CDK8: variants seen among roughly 807,000 people sequenced by gnomAD.
CDK8 encodes the protein cyclin dependent kinase 8.
CDK8 carries 29 observed loss-of-function variants against 71.5 expected under a neutral mutation model. The observed-to-expected ratio is 0.41, with a 90% confidence interval of 0.30 to 0.55. The LOEUF (loss-of-function observed/expected upper bound fraction) is 0.55, where lower values mean the gene tolerates loss of function less well. Ranked by LOEUF, CDK8 falls within the 20% of genes least tolerant of loss-of-function variation. The probability of loss-of-function intolerance (pLI) is 0.37; values close to 1 mark genes in which losing one functional copy is unlikely to be tolerated. For missense variants in CDK8, 288 were observed against 572.6 expected, an observed-to-expected ratio of 0.50 and a Z score of 5.07; for synonymous variants, 161 against 192.1, an observed-to-expected ratio of 0.84 and a Z score of 1.34.
intron 5 of CDK8, among the ~76,000 whole-genome samples, chr13:26,383,572 TAGA>T (rs2138047039): frequency 6.6e-6 from 1 of 152,352 alleles, no homozygotes; most frequent in African/African-American, 2.4e-5. Flanking sequence ...TGTGTATTTG[TAGA>T]AGAAATGTTT....
chr13:26,403,889 T>C (rs1876383231), intron 12 of CDK8, 67 bp from the exon 13 acceptor site: 2 of 1,567,586 alleles, frequency 1.3e-6, no homozygotes, highest in Non-Finnish European at 1.7e-6. Flanking sequence ...GACACTTCAG[T>C]CACATATTGG....
chr13:26,341,695 A>C (rs1001827635), intron 2 of CDK8, among the ~76,000 whole-genome samples: 14 of 152,196 alleles, frequency 9.2e-5, no homozygotes, highest in African/African-American at 3.1e-4. Context: ...GAGAAGACAC[A>C]GTTTGAAGTA....
intron 4 of CDK8, among the ~76,000 whole-genome samples, chr13:26,361,994 A>G (rs1051450139): frequency 6.6e-6 from 1 of 151,976 alleles, no homozygotes; most frequent in Non-Finnish European, 1.5e-5. Context: ...TGTTGAAAGT[A>G]TTCATAAAGC....
chr13:26,335,956 A>G (rs928002846), intron 1 of CDK8, among the ~76,000 whole-genome samples: 4 of 138,898 alleles, frequency 2.9e-5, no homozygotes, highest in African/African-American at 5.3e-5. Flanking sequence ...ACAACAACAG[A>G]CCTTTAAAGG....
At chr13:26,369,000 C>A (rs528378167) in intron 4 of CDK8, among the ~76,000 whole-genome samples, 1 of 151,914 alleles carries the variant, frequency 6.6e-6, no homozygotes, top group East Asian at 1.9e-4. Context: ...TCTATTTTCA[C>A]AAGTAAGTTT....
chr13:26,388,439 G>A (rs1429768213), intron 6 of CDK8, among the ~76,000 whole-genome samples: 2 of 152,262 alleles, frequency 1.3e-5, no homozygotes, highest in East Asian at 3.9e-4. Context: ...ATAAACTAAT[G>A]TGATACACAG....
chr13:26,343,128 C>T (rs1033845167), intron 2 of CDK8, among the ~76,000 whole-genome samples: 1 of 152,172 alleles, frequency 6.6e-6, no homozygotes, highest in African/African-American at 2.4e-5. Flanking sequence ...AGTCATGCAT[C>T]ACTTAATTAG....
intron 1 of CDK8, among the ~76,000 whole-genome samples, chr13:26,332,236 G>A (rs1872788250): frequency 6.6e-6 from 1 of 151,672 alleles, no homozygotes; most frequent in East Asian, 1.9e-4. Flanking sequence ...TTTAATACAA[G>A]ATCATTTGGG....
intron 1 of CDK8, among the ~76,000 whole-genome samples, chr13:26,271,902 C>T (rs1593229879): frequency 7.6e-6 from 1 of 132,396 alleles, no homozygotes; most frequent in South Asian, 2.5e-4. Flanking sequence ...ATGGAACTTA[C>T]AGGTCTAGAA....
intron 1 of CDK8, among the ~76,000 whole-genome samples, chr13:26,312,145 A>G (rs1434511192): frequency 2.0e-5 from 3 of 152,196 alleles, no homozygotes; most frequent in African/African-American, 7.2e-5. Context: ...AAATGCACCA[A>G]TCAGCACTCT....
rs187747107 is a variant in CDK8, at chr13:26,339,552, G to A, written c.204+1910G>A. ...GTCAGAATTGTTTGGGGTATTTTAG[G>A]TTCTTTAGCATTATCATATAAATTT... On this transcript the variant is annotated intron_variant, in intron 2 of 12. Coordinates refer to ENST00000381527, the MANE Select transcript of CDK8 (RefSeq NM_001260.3). Among the ~76,000 whole-genome samples, 186 of 149,196 alleles carry A rather than the reference G, an allele frequency of 1.2e-3. 2 individuals are homozygous for A. The highest frequency in any genetic ancestry group is 0.012 in the Admixed American group (176 of 14,992).
chr13:26,322,462 A>C (rs1010664198), intron 1 of CDK8, among the ~76,000 whole-genome samples: 1 of 151,860 alleles, frequency 6.6e-6, no homozygotes, highest in African/African-American at 2.4e-5. Flanking sequence ...TTACATATTT[A>C]CCTAATTACA....
Position 26,374,036 on chromosome 13 carries a change from AAC to A in CDK8, c.457-8776_457-8775del, listed in dbSNP as rs1283624670. Among the ~76,000 whole-genome samples the A allele has an allele frequency of 1.3e-3, 176 of 137,200 alleles. 3 individuals carry two copies. The highest frequency in any genetic ancestry group is 4.9e-3 in the African/African-American group (170 of 34,964). The allele number at this position is 137,200 out of a possible 152,430, so 90.0% of individuals were successfully genotyped here. A position where few individuals can be genotyped will look rare whatever the true frequency, so the allele number is the denominator to read the frequency against. On this transcript the variant is annotated intron_variant, in intron 4 of 12. Transcript: ENST00000381527. ...CTCTACTAAAAAAAAAAAAAAAAAA[AAC>A]AAAAAACAAAAAATTAGCTGGGCGT...
intron 1 of CDK8, among the ~76,000 whole-genome samples, chr13:26,256,500 A>G (rs1365184920): frequency 1.3e-5 from 2 of 152,216 alleles, no homozygotes; most frequent in Non-Finnish European, 2.9e-5. Flanking sequence ...GTGTGAGAGA[A>G]GCCGGTTCTG....
At position 26,404,102 on chromosome 13, in the gene CDK8, A is replaced by G. The variant is rs1180652830; in HGVS notation, c.*21A>G. On this transcript the variant is annotated 3_prime_UTR_variant, in exon 13 of 13. Coordinates refer to ENST00000381527, the MANE Select transcript of CDK8 (RefSeq NM_001260.3). ...ACTGAGCTGCATCGGAATCTTGTCCATGCACTGTTGCGAATGCTGCAGGGC... is the reference window on the plus strand; with the variant it reads ...ACTGAGCTGCATCGGAATCTTGTCCGTGCACTGTTGCGAATGCTGCAGGGC... 2 of 1,613,208 alleles carry G rather than the reference A, an allele frequency of 1.2e-6. No individual in the cohort carries two copies. Among genetic ancestry groups the G allele is most frequent in the Non-Finnish European group, 1.7e-6 (2 of 1,179,566 alleles).
At chr13:26,324,613 C>T (rs950912173) in intron 1 of CDK8, among the ~76,000 whole-genome samples, 1 of 150,900 alleles carries the variant, frequency 6.6e-6, no homozygotes, top group Non-Finnish European at 1.5e-5. Flanking sequence ...AAATACTAAC[C>T]ATTTGAGTGC....
intron 1 of CDK8, among the ~76,000 whole-genome samples, chr13:26,298,148 G>A (rs1873650903): frequency 6.6e-6 from 1 of 152,122 alleles, no homozygotes; most frequent in Non-Finnish European, 1.5e-5. Flanking sequence ...TAATTTTGCA[G>A]GGATACAAAT....
At chr13:26,310,588 C>T (rs1874237931) in intron 1 of CDK8, among the ~76,000 whole-genome samples, 1 of 152,086 alleles carries the variant, frequency 6.6e-6, no homozygotes, top group African/African-American at 2.4e-5. Context: ...GGTCCGTTCT[C>T]CTATGAGAAT....
intron 1 of CDK8, among the ~76,000 whole-genome samples, chr13:26,262,405 TA>T (rs1325261241): frequency 3.9e-5 from 6 of 152,308 alleles, no homozygotes; most frequent in African/African-American, 1.2e-4. Flanking sequence ...TGTGTGTGTG[TA>T]TCTGAAATTC....
Sources: allele counts gnomAD v4.1 joint callset (sites outside exome capture counted in the v4.1 genomes callset), GRCh38; gene constraint gnomAD v4.1.1; transcripts MANE v1.5; gene names NCBI Gene and HGNC (gene_info 2026-07-23, HGNC 2026-07-21).